ANKLE2: variants seen among roughly 807,000 people sequenced by gnomAD.
ANKLE2 encodes the protein ankyrin repeat and LEM domain containing 2, also known as ankyrin repeat and LEM domain-containing protein 2.
In ANKLE2, 55 loss-of-function variants were observed where a neutral mutation model predicts 84.2. The observed-to-expected ratio is 0.65, with a 90% CI of 0.53 to 0.82. The LOEUF (loss-of-function observed/expected upper bound fraction) is 0.82, where lower values mean the gene tolerates loss of function less well. Among genes scored for constraint, ANKLE2 ranks in the 40% least tolerant of loss-of-function variants. ANKLE2 has a pLI of 0.00. For missense variants in ANKLE2, 1,238 were observed against 1,201.9 expected (o/e 1.03, Z -0.44); for synonymous variants, 551 against 486.1 (o/e 1.13, Z -1.76).
In ANKLE2 at chr12:132,754,971, C is replaced by A. The variant is rs1159461093; in HGVS notation, c.344G>T (p.Gly115Val). The change falls in exon 2 of 13, where the codon GGA becomes GTA. Residue 115 changes from glycine to valine, a missense_variant. Physicochemically the swap from Gly to Val is moderately radical, Grantham distance 109 (BLOSUM62 -3). Transcript: ENST00000357997. ...ATGGTGGTAGAAAGAAGACAGCCTT[C>A]CTCCTTGCTCCAGTAAAGCCTGAGC... ...KLAQALLEQG[G>V]RLSSFYHHEA... 2.5e-6 allele frequency: 4 copies of A among 1,614,214 alleles called. No individual in the cohort carries two copies. The highest frequency in any genetic ancestry group is 2.5e-6 in the Non-Finnish European group (3 of 1,180,048).
At chr12:132,739,458 T>C (rs1332681708) in intron 7 of ANKLE2, among the ~76,000 whole-genome samples, 1 of 152,196 alleles carries the variant, frequency 6.6e-6, no homozygotes, top group Non-Finnish European at 1.5e-5. Context: ...CCTCTTTCAG[T>C]GGCACAGGAA....
intron 5 of ANKLE2, among the ~76,000 whole-genome samples, chr12:132,746,782 T>C (rs1195944957): frequency 6.6e-6 from 1 of 152,218 alleles, no homozygotes. Context: ...TCAATGGCTG[T>C]GAGTACTGTG....
At position 132,754,822 on chromosome 12, in the gene ANKLE2, G is replaced by T. The variant is rs769365071; in HGVS notation, c.493C>A (p.Pro165Thr). Residue 165 changes from proline to threonine, a missense_variant, in exon 2 of 13, where the codon CCT becomes ACT. By Grantham distance (38) the Pro-to-Thr change is conservative. Transcript: ENST00000357997. ...RDFGYSVGLNPPEEEAVTSKT... is the reference protein window; with the variant it reads ...RDFGYSVGLNTPEEEAVTSKT... ...GATGTCACAGCTTCCTCCTCTGGAG[G>T]ATTCAGGCCCACACTGTAACCAAAA... 10 of 1,614,032 alleles carry T rather than the reference G, an allele frequency of 6.2e-6. No individual in the cohort carries two copies. The African/African-American group carries it at 1.3e-4, about 22-fold the overall frequency.
chr12:132,750,884 A>T lies in ANKLE2; in HGVS notation c.641-35T>A, dbSNP rs7304425. Reference sequence around the variant, plus strand: ...AAAAGTAACAAATGAAAATCAGAGAAGAGTGACTGGAGAGCTGTCACCTGG... The same window carrying T: ...AAAAGTAACAAATGAAAATCAGAGATGAGTGACTGGAGAGCTGTCACCTGG... On this transcript the variant is annotated intron_variant, in intron 2 of 12. Coordinates refer to ENST00000357997, the MANE Select transcript of ANKLE2 (RefSeq NM_015114.3). 0.51 allele frequency: 805,260 copies of T among 1,591,376 alleles called. 207,224 individuals carry two copies. The highest frequency in any genetic ancestry group is 0.65 in the African/African-American group (48,475 of 74,390).
chr12:132,760,648 G>C (rs564783831), intron 1 of ANKLE2: 1 of 152,272 alleles, frequency 6.6e-6, no homozygotes, highest in Non-Finnish European at 1.5e-5. Context: ...GAAGAGATGC[G>C]TGACGTAAAA....
chr12:132,727,203 T>C lies in ANKLE2; in HGVS notation c.*39A>G. 2.0e-6 allele frequency: 3 copies of C among 1,493,118 alleles called. No homozygotes were observed. The highest frequency in any genetic ancestry group is 9.0e-7 in the Non-Finnish European group (1 of 1,117,120). The allele number at this position is 1,493,118 out of a possible 1,614,324, so 92.5% of individuals were successfully genotyped here. On this transcript the variant is annotated 3_prime_UTR_variant, in exon 13 of 13. Coordinates refer to ENST00000357997, the MANE Select transcript of ANKLE2 (RefSeq NM_015114.3). ...GCAATAAACATATGACCCTTCCTTCTTTAAAAATGAAGAACAAACCGAGAG... is the reference window on the plus strand; with the variant it reads ...GCAATAAACATATGACCCTTCCTTCCTTAAAAATGAAGAACAAACCGAGAG...
rs2044164215 is a variant in ANKLE2, at chr12:132,743,099, T to A, written c.1353+55A>T. ...GTGCCTGTGATCACAGACTGTAAATTTATATATTTCCATTTCTAACTCTAG... is the reference window on the plus strand; with the variant it reads ...GTGCCTGTGATCACAGACTGTAAATATATATATTTCCATTTCTAACTCTAG... On this transcript the variant is annotated intron_variant, in intron 6 of 12. Transcript: ENST00000357997. This position sits in a 1 kb window ranked among gnomAD's most constrained non-coding sequence, Gnocchi z 4.1. 6.6e-6 allele frequency: 10 copies of A among 1,508,536 alleles called. No homozygotes were observed. The highest frequency in any genetic ancestry group is 8.9e-6 in the Non-Finnish European group (10 of 1,118,212). The allele number at this position is 1,508,536 out of a possible 1,614,324, so 93.4% of individuals were successfully genotyped here.
intron 8 of ANKLE2, 130 bp downstream of exon 8, chr12:132,736,758 TTGAGA>T: frequency 2.8e-6 from 3 of 1,055,760 alleles, no homozygotes; most frequent in Non-Finnish European, 4.0e-6. Context: ...GGTGGATGGT[TTGAGA>T]TGAGGACAAC....
chr12:132,741,951 C>A, intron 6 of ANKLE2: 1 of 412,808 alleles, frequency 2.4e-6, no homozygotes, highest in Non-Finnish European at 4.8e-6. Flanking sequence ...ACTTTCTCAG[C>A]CCTTGAAGAA....
intron 8 of ANKLE2, among the ~76,000 whole-genome samples, chr12:132,736,350 C>T (rs940242530): frequency 2.6e-5 from 4 of 152,226 alleles, no homozygotes; most frequent in African/African-American, 9.6e-5. Flanking sequence ...GAATTGTCAA[C>T]TGTAAATAAA....
At position 132,761,400 on chromosome 12, in the gene ANKLE2, C is replaced by A. The variant is rs958006477; in HGVS notation, c.181+218G>T. ...GCCCGGGAAAGCTCTCACCCCCGAA[C>A]CCGGCGTGGCCCCTCCGCCCCCGGC... On this transcript the variant is annotated intron_variant, in intron 1 of 12. Transcript: ENST00000357997. The A allele has an allele frequency of 1.4e-5, 5 of 360,614 alleles. No homozygotes were observed. The South Asian group carries it at 5.7e-4, about 41-fold the overall frequency. 22.3% of individuals were successfully genotyped at this position (360,614 alleles called of 1,614,324 possible).
chr12:132,736,266 G>A (rs1034831549), intron 8 of ANKLE2, among the ~76,000 whole-genome samples: 4 of 152,328 alleles, frequency 2.6e-5, no homozygotes, highest in Admixed American at 6.5e-5. Flanking sequence ...CGTTTTCATC[G>A]CAACTGATTT....
chr12:132,732,989 T>C (rs1209970147), intron 10 of ANKLE2, among the ~76,000 whole-genome samples: 5 of 137,574 alleles, frequency 3.6e-5, no homozygotes, highest in East Asian at 2.3e-4. Flanking sequence ...TGAAGCGCTC[T>C]GCGTCCTGGT....
chr12:132,741,111 C>T (rs115110725), intron 7 of ANKLE2, among the ~76,000 whole-genome samples: 3,472 of 152,232 alleles, frequency 0.023, 129 homozygotes, highest in African/African-American at 0.079. Context: ...GAAGCTACTG[C>T]GAGAGAGACC....
chr12:132,739,071 AAAG>A (rs1433541264), intron 7 of ANKLE2, among the ~76,000 whole-genome samples: 4 of 152,164 alleles, frequency 2.6e-5, no homozygotes, highest in Admixed American at 6.6e-5. Context: ...ACATGGACAC[AAAG>A]AAGGAACAAG....
rs1009742053 is a variant in ANKLE2 at position 132,750,626 on chromosome 12, A to C, written c.847+17T>G. On this transcript the variant is annotated intron_variant, in intron 3 of 12. Transcript: ENST00000357997. ...ATGTGACAGGAACATCAAGATGTGAACGGCTGCATGATTTACCTTTCAACC... is the reference window on the plus strand; with the variant it reads ...ATGTGACAGGAACATCAAGATGTGACCGGCTGCATGATTTACCTTTCAACC... The C allele has an allele frequency of 6.8e-6, 11 of 1,613,258 alleles. No individual in the cohort carries two copies. Among genetic ancestry groups the C allele is most frequent in the Non-Finnish European group, 9.3e-6 (11 of 1,179,444 alleles).
Position 132,727,359 on chromosome 12 carries a change from G to A in ANKLE2, c.2700C>T (p.Asn900=). Residue 900 remains asparagine, a synonymous_variant, in exon 13 of 13, where the codon AAC becomes AAT. Transcript: ENST00000357997. The part of the protein sequence containing the change: ...SGPHSYSPGR[N]SVAGSNPAKP... ...TTGCGGGGTTGCTTCCAGCCACGCT[G>A]TTTCTCCCCGGACTGTAGCTGTGAG... The A allele has an allele frequency of 1.8e-5, 28 of 1,561,592 alleles. No individual in the cohort carries two copies. The highest frequency in any genetic ancestry group is 2.4e-5 in the Non-Finnish European group (28 of 1,152,988).
intron 10 of ANKLE2, among the ~76,000 whole-genome samples, chr12:132,733,540 C>T (rs2043939162): frequency 6.7e-6 from 1 of 149,630 alleles, no homozygotes; most frequent in Admixed American, 6.7e-5. Context: ...GCCTGATATG[C>T]ACCGTGTGAA....
Position 132,735,451 on chromosome 12 carries a change from T to C in ANKLE2, c.1655A>G (p.His552Arg). The change falls in exon 9 of 13, where the codon CAC becomes CGC. Residue 552 changes from histidine (H) to arginine (R), a missense_variant. This residue lies in a region of ANKLE2 where 802 missense variants were observed against 774.5 expected (regional missense o/e 1.04). Coordinates refer to ENST00000357997, the MANE Select transcript of ANKLE2 (RefSeq NM_015114.3). ...PPREKAGFLH[H>R]VKKSDPERGF... ...TCTTTCCGGGTCCGACTTCTTGACG[T>C]GGTGAAGGAAGCCTGCTTTCTCTCG... is the stretch of plus-strand genomic sequence containing the variant. The C allele has an allele frequency of 2.5e-6, 4 of 1,614,020 alleles. No individual in the cohort carries two copies. The highest frequency in any genetic ancestry group is 3.4e-6 in the Non-Finnish European group (4 of 1,180,012).
Sources: gnomAD v4.1 joint callset for allele counts (sites outside exome capture counted in the v4.1 genomes callset) on GRCh38, gnomAD v4.1.1 for gene constraint, gnomAD v4.1.1 regional missense constraint, Gnocchi (gnomAD v3.1) non-coding constraint, MANE v1.5 for transcripts, NCBI Gene and HGNC (gene_info 2026-07-23, HGNC 2026-07-21) for gene names.